The following DYNC2H1 variants were observed in gnomAD, a reference collection of about 807,000 sequenced individuals.
The protein encoded by DYNC2H1 is cytoplasmic dynein 2 heavy chain 1.
A neutral mutation model predicts 570.0 loss-of-function variants in DYNC2H1; 410 were observed. That is an observed-to-expected ratio of 0.72 (90% CI 0.66 to 0.78). The LOEUF is 0.78. DYNC2H1 is among the 30% of genes least tolerant of loss of function. DYNC2H1 has a pLI of 0.00. For synonymous variants in DYNC2H1, 1,688 were observed against 1,677.6 expected (o/e 1.01, Z -0.15); for missense variants, 4,865 against 5,046.4 (o/e 0.96, Z 1.09).
intron 83 of DYNC2H1, among the ~76,000 whole-genome samples, chr11:103,362,456 T>G (rs1940703376): frequency 6.6e-6 from 1 of 151,908 alleles, no homozygotes; most frequent in African/African-American, 2.4e-5. Context: ...TTCCATTGTT[T>G]CAGTATTTAC....
chr11:103,276,529 G>A (rs1318959908), intron 70 of DYNC2H1, among the ~76,000 whole-genome samples: 1 of 151,794 alleles, frequency 6.6e-6, no homozygotes, highest in Non-Finnish European at 1.5e-5. Flanking sequence ...AAACGCAAAT[G>A]ATACAAGCTT....
intron 70 of DYNC2H1, among the ~76,000 whole-genome samples, chr11:103,271,265 C>A (rs1484644758): frequency 6.6e-6 from 1 of 152,122 alleles, no homozygotes; most frequent in Non-Finnish European, 1.5e-5. Flanking sequence ...ATAAGTGACA[C>A]AATTTTCTTC....
At position 103,472,116 on chromosome 11, in the gene DYNC2H1, C is replaced by T. The variant is rs949463269; in HGVS notation, c.12765+3411C>T. On this transcript the variant is annotated intron_variant, in intron 88 of 88. Transcript: ENST00000375735. This position sits in a 1 kb window ranked among gnomAD's most constrained non-coding sequence, Gnocchi z 4.1. Reference sequence around the variant, plus strand: ...TATTGTACATCTGGAGGGTATAGTTCATATGGAAGAATGGTGGGGGATGCG... The same window carrying T: ...TATTGTACATCTGGAGGGTATAGTTTATATGGAAGAATGGTGGGGGATGCG... 2.6e-5 allele frequency among the ~76,000 whole-genome samples: 4 copies of T among 152,070 alleles called. No individual in the cohort carries two copies. The highest frequency in any genetic ancestry group is 7.2e-5 in the African/African-American group (3 of 41,426).
chr11:103,374,760 C>G (rs1005185368), intron 83 of DYNC2H1, among the ~76,000 whole-genome samples: 1 of 152,150 alleles, frequency 6.6e-6, no homozygotes, highest in Non-Finnish European at 1.5e-5. Context: ...TTTAGGGTAT[C>G]TGGCAGGAGA....
chr11:103,307,198 G>A (rs1310130608), intron 77 of DYNC2H1, among the ~76,000 whole-genome samples: 2 of 152,104 alleles, frequency 1.3e-5, no homozygotes, highest in East Asian at 3.8e-4. Context: ...TTTGTATGGT[G>A]AAGTTTTGAA....
chr11:103,262,174 A>T (rs1478045335), intron 70 of DYNC2H1, among the ~76,000 whole-genome samples: 1 of 152,214 alleles, frequency 6.6e-6, no homozygotes, highest in Non-Finnish European at 1.5e-5. Context: ...AGGAACAAAC[A>T]AAGCCTCCAA....
chr11:103,386,087 C>G (rs1188115415), intron 83 of DYNC2H1, among the ~76,000 whole-genome samples: 1 of 152,168 alleles, frequency 6.6e-6, no homozygotes, highest in African/African-American at 2.4e-5. Context: ...ATAATCATGC[C>G]TTACTTCTGA....
intron 65 of DYNC2H1, among the ~76,000 whole-genome samples, chr11:103,250,531 A>G (rs1361384485): frequency 1.3e-5 from 2 of 152,046 alleles, no homozygotes; most frequent in Admixed American, 6.6e-5. Flanking sequence ...ATCTAATGTT[A>G]CCATATTTCC....
intron 47 of DYNC2H1, among the ~76,000 whole-genome samples, chr11:103,196,320 C>T (rs982204007): frequency 6.6e-6 from 1 of 152,100 alleles, no homozygotes; most frequent in African/African-American, 2.4e-5. Context: ...TGAATGTTTG[C>T]AATCTTTCTT....
At chr11:103,176,543 A>G in intron 37 of DYNC2H1, 109 bp downstream of exon 37, 2 of 899,920 alleles carry the variant, frequency 2.2e-6, no homozygotes, top group Non-Finnish European at 3.0e-6. Context: ...TTCAACTTAG[A>G]TCTCACTTGC....
rs773786319 is a variant in DYNC2H1, at chr11:103,369,732, C to T, written c.12156+11373C>T. Reference sequence around the variant, plus strand: ...ACTGCATCAGAAAGCAACCTGCTGCCTTGAAGGGAAGTACCCAATCCTGGC... The same window carrying T: ...ACTGCATCAGAAAGCAACCTGCTGCTTTGAAGGGAAGTACCCAATCCTGGC... On this transcript the variant is annotated intron_variant, in intron 83 of 88. Coordinates refer to ENST00000375735, the MANE Select transcript of DYNC2H1 (RefSeq NM_001377.3). This position sits in a 1 kb window ranked among gnomAD's most constrained non-coding sequence, Gnocchi z 4.0. Among the ~76,000 whole-genome samples, 1 of 152,156 alleles carries T rather than the reference C, an allele frequency of 6.6e-6. No homozygotes were observed. The highest frequency in any genetic ancestry group is 1.5e-5 in the Non-Finnish European group (1 of 68,032).
At chr11:103,464,344 T>C (rs1405999367) in intron 87 of DYNC2H1, among the ~76,000 whole-genome samples, 2 of 146,556 alleles carry the variant, frequency 1.4e-5, no homozygotes, top group Non-Finnish European at 3.0e-5. Flanking sequence ...ACATGATAAA[T>C]TGGTTATGTT....
At chr11:103,271,693 T>C (rs1031450119) in intron 70 of DYNC2H1, among the ~76,000 whole-genome samples, 2 of 152,202 alleles carry the variant, frequency 1.3e-5, no homozygotes, top group Admixed American at 6.5e-5. Flanking sequence ...GCCTTACATA[T>C]ACTGCCATTT....
In DYNC2H1 at chr11:103,200,043, C is replaced by G; in HGVS notation, c.8089-3C>G. 2 of 1,568,820 alleles carry G rather than the reference C, an allele frequency of 1.3e-6. No individual in the cohort carries two copies. The highest frequency in any genetic ancestry group is 1.7e-6 in the Non-Finnish European group (2 of 1,153,886). ...CACTAAAAAATATTTTCTGATTTTG[C>G]AGGTGCTGCAACTTGCAGGAATTGA... On this transcript the variant is annotated splice_polypyrimidine_tract_variant and splice_region_variant and intron_variant, in intron 49 of 88. Transcript: ENST00000375735.
At position 103,185,488 on chromosome 11, in the gene DYNC2H1, CAAGTT is replaced by C. The variant is rs1461211034; in HGVS notation, c.6633+438_6633+442del. On this transcript the variant is annotated intron_variant, in intron 41 of 88. Transcript: ENST00000375735. The surrounding 1 kb of genome is among the most constrained non-coding windows in gnomAD (Gnocchi z 4.5). The stretch of plus-strand genomic sequence containing the variant: ...ATATATGTTAAAGTTGTATTACAGT[CAAGTT>C]GTTTATAAAGCTGAATTCTAAATAA... Among the ~76,000 whole-genome samples the C allele has an allele frequency of 6.6e-6, 1 of 151,822 alleles. No individual in the cohort carries two copies. Among genetic ancestry groups the C allele is most frequent in the Non-Finnish European group, 1.5e-5 (1 of 67,880 alleles).
At chr11:103,260,034 A>ATATTTATAGTTATATTTATAAATATAT in intron 70 of DYNC2H1, 57 bp downstream of exon 70, 1 of 931,904 alleles carries the variant, frequency 1.1e-6, no homozygotes, top group Non-Finnish European at 1.6e-6. Context: ...GATTTAACGT[A>ATATTTATAGTTATATTTATAAATATAT]ATATTTATAG....
chr11:103,112,541 G>A (rs1006182857), intron 1 of DYNC2H1, among the ~76,000 whole-genome samples: 7 of 152,182 alleles, frequency 4.6e-5, no homozygotes, highest in African/African-American at 1.7e-4. Flanking sequence ...GTAATTGAAT[G>A]GGAATGGCTA....
chr11:103,181,874 G>C lies in DYNC2H1; in HGVS notation c.6465G>C (p.Trp2155Cys). Reference sequence around the variant, plus strand: ...ATTATTTTGAAAAGGCTTTACAATGGGTTCTAAAGCAGGTAAATTAACCAT... The same window carrying C: ...ATTATTTTGAAAAGGCTTTACAATGCGTTCTAAAGCAGGTAAATTAACCAT... Reference protein sequence around the residue: ...IGDYFEKALQWVLKQNDYVVE... With the variant: ...IGDYFEKALQCVLKQNDYVVE... The change falls in exon 40 of 89, where the codon TGG becomes TGC. Residue 2155 changes from tryptophan (W) to cysteine (C), a missense_variant. Around this residue, in one of 5 missense-constraint regions of DYNC2H1, gnomAD observed 231 missense variants for 310.3 expected, o/e 0.74. Coordinates refer to ENST00000375735, the MANE Select transcript of DYNC2H1 (RefSeq NM_001377.3). This position sits in a 1 kb window ranked among gnomAD's most constrained non-coding sequence, Gnocchi z 5.0. 1 of 1,605,086 alleles carries C rather than the reference G, an allele frequency of 6.2e-7. No individual in the cohort carries two copies. The highest frequency in any genetic ancestry group is 8.5e-7 in the Non-Finnish European group (1 of 1,174,820).
chr11:103,341,141 G>A (rs978272384), intron 82 of DYNC2H1, among the ~76,000 whole-genome samples: 18 of 152,062 alleles, frequency 1.2e-4, no homozygotes, highest in Non-Finnish European at 2.1e-4. Context: ...TTTAACTGTA[G>A]CACCCAGCTG....
Sources: allele counts gnomAD v4.1 joint callset (sites outside exome capture counted in the v4.1 genomes callset), GRCh38; gene constraint gnomAD v4.1.1; regional missense constraint gnomAD v4.1.1; non-coding constraint Gnocchi (gnomAD v3.1); transcripts MANE v1.5; gene names NCBI Gene and HGNC (gene_info 2026-07-23, HGNC 2026-07-21).